Variants in CDC42SE2 observed in about 807,000 individuals in gnomAD.
CDC42SE2 encodes CDC42 small effector 2, also known as CDC42 small effector protein 2.
Under a neutral mutation model 11.5 loss-of-function variants are expected in CDC42SE2, and 3 were observed. The ratio of observed to expected loss-of-function variants is 0.26; its 90% CI spans 0.12 to 0.67. The LOEUF (loss-of-function observed/expected upper bound fraction) is 0.67. Among genes scored for constraint, CDC42SE2 ranks in the 30% least tolerant of loss-of-function variants. CDC42SE2 has a pLI of 0.80. For synonymous variants in CDC42SE2, 33 were observed against 34.8 expected (o/e 0.95, Z 0.18); for missense variants, 82 against 106.8 (o/e 0.77, Z 1.02).
At chr5:131,364,347 G>A (rs1749793433) in intron 3 of CDC42SE2, among the ~76,000 whole-genome samples, 1 of 152,182 alleles carries the variant, frequency 6.6e-6, no homozygotes, top group Non-Finnish European at 1.5e-5. Flanking sequence ...TTGGGGCAAA[G>A]CACTTAGAGT....
the CDC42SE2 span, among the ~76,000 whole-genome samples, chr5:131,227,830 A>T: frequency 6.6e-6 from 1 of 152,232 alleles, no homozygotes; most frequent in African/African-American, 2.4e-5. Context: ...AGATCTCTTG[A>T]GTGCAGGAGT....
At chr5:131,230,273 C>T in the CDC42SE2 span, among the ~76,000 whole-genome samples, 3 of 152,150 alleles carry the variant, frequency 2.0e-5, no homozygotes, top group Non-Finnish European at 4.4e-5. Flanking sequence ...TTGTCCTGTA[C>T]TTGTCTTCAA....
the CDC42SE2 span, among the ~76,000 whole-genome samples, chr5:131,238,047 T>C: frequency 6.6e-6 from 1 of 152,078 alleles, no homozygotes; most frequent in Non-Finnish European, 1.5e-5. Context: ...ATCAGACATA[T>C]ATTGGGCCTA....
In CDC42SE2 at chr5:131,323,789, C is replaced by T. The variant is rs150563206; in HGVS notation, c.-286+7645C>T. ...TGAGAGGATTTGATCTGTTTGTTTACTTTTAATTGAAAATAGGTTTATCTT... is the reference window on the plus strand; with the variant it reads ...TGAGAGGATTTGATCTGTTTGTTTATTTTTAATTGAAAATAGGTTTATCTT... On this transcript the variant is annotated intron_variant, in intron 2 of 4. Transcript: ENST00000505065. 9.9e-4 allele frequency among the ~76,000 whole-genome samples: 150 copies of T among 152,100 alleles called. No homozygotes were observed. The Middle Eastern group carries it at 0.014, about 14-fold the overall frequency.
intron 2 of CDC42SE2, chr5:131,354,890 C>T (rs560079549): frequency 6.6e-6 from 1 of 151,988 alleles, no homozygotes; most frequent in Non-Finnish European, 1.5e-5. Context: ...GCTATGTTGC[C>T]TAGGCTAGTC....
At chr5:131,348,098 C>T (rs1414024373) in intron 2 of CDC42SE2, among the ~76,000 whole-genome samples, 1 of 152,148 alleles carries the variant, frequency 6.6e-6, no homozygotes, top group Admixed American at 6.5e-5. Flanking sequence ...ACAGGGATGT[C>T]CTCTCTCAAC....
At chr5:131,282,731 C>G (rs1458590451) in intron 1 of CDC42SE2, among the ~76,000 whole-genome samples, 3 of 151,868 alleles carry the variant, frequency 2.0e-5, no homozygotes, top group Non-Finnish European at 4.4e-5. Context: ...CGGGTTCATG[C>G]CATTCTCCTG....
At chr5:131,325,255 G>A (rs1758272151) in intron 2 of CDC42SE2, among the ~76,000 whole-genome samples, 1 of 151,212 alleles carries the variant, frequency 6.6e-6, no homozygotes, top group Non-Finnish European at 1.5e-5. Context: ...CTTTCTAAAA[G>A]CACTACCAAT....
At chr5:131,304,781 C>G (rs1401872037) in intron 1 of CDC42SE2, among the ~76,000 whole-genome samples, 1 of 152,106 alleles carries the variant, frequency 6.6e-6, no homozygotes, top group African/African-American at 2.4e-5. Context: ...GAGCTATTTT[C>G]TGAAGAGAAA....
At chr5:131,378,767 T>G (rs80034063) in intron 3 of CDC42SE2, among the ~76,000 whole-genome samples, 25 of 152,244 alleles carry the variant, frequency 1.6e-4, no homozygotes, top group Non-Finnish European at 2.9e-4. Flanking sequence ...GGAATCAGAC[T>G]GAACACCACC....
chr5:131,379,096 A>T (rs991089245), intron 3 of CDC42SE2, among the ~76,000 whole-genome samples: 3 of 152,222 alleles, frequency 2.0e-5, no homozygotes, highest in Admixed American at 6.5e-5. Context: ...GACTTTCTCT[A>T]GGTCATAAAG....
chr5:131,317,120 A>T (rs950449909), intron 2 of CDC42SE2, among the ~76,000 whole-genome samples: 28 of 151,486 alleles, frequency 1.8e-4, no homozygotes, highest in East Asian at 9.6e-4. Flanking sequence ...TTTTTTTTTT[A>T]AATTCACATC....
chr5:131,220,369 C>T, the CDC42SE2 span, among the ~76,000 whole-genome samples: 1 of 151,994 alleles, frequency 6.6e-6, no homozygotes, highest in Non-Finnish European at 1.5e-5. Context: ...CCAGGCCCGG[C>T]TAATTTTTTG....
chr5:131,285,763 A>G (rs1757327252), intron 1 of CDC42SE2, among the ~76,000 whole-genome samples: 1 of 152,202 alleles, frequency 6.6e-6, no homozygotes, highest in Non-Finnish European at 1.5e-5. Context: ...ACATAAGCCC[A>G]TAGCTGTGAC....
the CDC42SE2 span, among the ~76,000 whole-genome samples, chr5:131,239,364 G>A: frequency 6.6e-6 from 1 of 151,124 alleles, no homozygotes; most frequent in Non-Finnish European, 1.5e-5. Flanking sequence ...TTGAGCCCAG[G>A]ATGTCAAGGC....
At chr5:131,289,212 A>G (rs941772953) in intron 1 of CDC42SE2, among the ~76,000 whole-genome samples, 4 of 152,250 alleles carry the variant, frequency 2.6e-5, no homozygotes, top group African/African-American at 9.6e-5. Flanking sequence ...AAGTACTGCT[A>G]TAAAATCTAA....
intron 1 of CDC42SE2, among the ~76,000 whole-genome samples, chr5:131,280,578 G>T (rs1052839210): frequency 1.3e-5 from 2 of 152,132 alleles, no homozygotes; most frequent in African/African-American, 4.8e-5. Flanking sequence ...CTGGAGAAAA[G>T]AATTACTTTC....
chr5:131,326,787 TA>T (rs1255275800), intron 2 of CDC42SE2, among the ~76,000 whole-genome samples: 2 of 152,110 alleles, frequency 1.3e-5, no homozygotes, highest in East Asian at 3.9e-4. Context: ...TTATTATGTT[TA>T]TTTTTTTAGG....
At chr5:131,326,065 G>A (rs1042382030) in intron 2 of CDC42SE2, among the ~76,000 whole-genome samples, 8 of 151,368 alleles carry the variant, frequency 5.3e-5, no homozygotes, top group Non-Finnish European at 1.0e-4. Flanking sequence ...ATGTTTTTAC[G>A]TTTTAATCTG....
Sources: allele counts gnomAD v4.1 joint callset (sites outside exome capture counted in the v4.1 genomes callset), GRCh38; gene constraint gnomAD v4.1.1; transcripts MANE v1.5; gene names NCBI Gene and HGNC (gene_info 2026-07-23, HGNC 2026-07-21).